Variants in ASIC2 observed in about 807,000 individuals in gnomAD.
The protein encoded by ASIC2 is acid sensing ion channel subunit 2.
In ASIC2, 25 loss-of-function variants were observed where a neutral mutation model predicts 57.3. That is an observed-to-expected ratio of 0.44 (90% CI 0.32 to 0.61). ASIC2 has a LOEUF of 0.61. ASIC2 is among the 20% of genes least tolerant of loss of function. The pLI is 0.06. For missense variants in ASIC2, 641 were observed against 738.1 expected (o/e 0.87, Z 1.52); for synonymous variants, 319 against 307.5 (o/e 1.04, Z -0.39).
chr17:34,022,101 T>C (rs1485535279), intron 1 of ASIC2, among the ~76,000 whole-genome samples: 1 of 152,130 alleles, frequency 6.6e-6, no homozygotes, highest in East Asian at 1.9e-4. Context: ...CCTTCCAAAG[T>C]GGGGGGTTGG....
intron 1 of ASIC2, among the ~76,000 whole-genome samples, chr17:33,235,982 G>A (rs555970528): frequency 1.6e-4 from 24 of 152,150 alleles, no homozygotes; most frequent in East Asian, 9.7e-4. Context: ...AACTACAGGC[G>A]TGCACCATCA....
At chr17:33,509,181 G>T (rs564114118) in intron 1 of ASIC2, among the ~76,000 whole-genome samples, 4 of 152,284 alleles carry the variant, frequency 2.6e-5, no homozygotes, top group African/African-American at 9.6e-5. Context: ...AAGGTAGGAC[G>T]GAGGGAGGGC....
At chr17:33,316,336 A>C (rs1337450611) in intron 1 of ASIC2, among the ~76,000 whole-genome samples, 1 of 152,096 alleles carries the variant, frequency 6.6e-6, no homozygotes, top group East Asian at 1.9e-4. Context: ...AGATCTCTTC[A>C]CCCCAACTCT....
At chr17:33,901,048 G>A (rs1056468205) in intron 1 of ASIC2, among the ~76,000 whole-genome samples, 8 of 152,160 alleles carry the variant, frequency 5.3e-5, no homozygotes, top group African/African-American at 4.8e-5. Context: ...ATCTAGCCAC[G>A]TGTAATATCC....
intron 1 of ASIC2, among the ~76,000 whole-genome samples, chr17:33,470,467 TCTC>T (rs1350276882): frequency 2.7e-5 from 4 of 147,056 alleles, no homozygotes; most frequent in South Asian, 2.1e-4. Flanking sequence ...GCTTAAAAAA[TCTC>T]CTGGAGATCT....
intron 1 of ASIC2, among the ~76,000 whole-genome samples, chr17:33,416,791 C>T (rs1910858301): frequency 6.6e-6 from 1 of 152,188 alleles, no homozygotes; most frequent in African/African-American, 2.4e-5. Flanking sequence ...TAACAAGTCC[C>T]CCTTCTCCTT....
At chr17:33,614,591 C>T (rs9899289) in intron 1 of ASIC2, among the ~76,000 whole-genome samples, 67,263 of 151,664 alleles carry the variant, frequency 0.44, 15,168 homozygotes, top group Middle Eastern at 0.53. Context: ...TTTTTGAAAA[C>T]TTATCTGCTA....
intron 2 of ASIC2, among the ~76,000 whole-genome samples, chr17:33,103,366 G>A (rs746593258): frequency 1.3e-5 from 2 of 152,134 alleles, no homozygotes; most frequent in Non-Finnish European, 2.9e-5. Flanking sequence ...TCATTTTAGA[G>A]GTAACACAGG....
chr17:34,083,247 C>T (rs1243567667), intron 1 of ASIC2, among the ~76,000 whole-genome samples: 1 of 148,700 alleles, frequency 6.7e-6, no homozygotes, highest in Non-Finnish European at 1.5e-5. Context: ...TGTTCAATTC[C>T]CACCTATGAG....
chr17:34,054,908 T>C (rs1908709729), intron 1 of ASIC2, among the ~76,000 whole-genome samples: 1 of 152,158 alleles, frequency 6.6e-6, no homozygotes. Flanking sequence ...CCAAAATGTA[T>C]CTATTGGGAG....
chr17:33,928,541 A>G (rs2141969725), intron 1 of ASIC2, among the ~76,000 whole-genome samples: 1 of 152,312 alleles, frequency 6.6e-6, no homozygotes, highest in East Asian at 1.9e-4. Flanking sequence ...GCCAAACCAT[A>G]GACTGGGCAG....
At chr17:34,030,453 G>A (rs1463565823) in intron 1 of ASIC2, among the ~76,000 whole-genome samples, 1 of 152,242 alleles carries the variant, frequency 6.6e-6, no homozygotes, top group Non-Finnish European at 1.5e-5. Context: ...GGTGATTTCT[G>A]CATTTCCAAC....
intron 1 of ASIC2, among the ~76,000 whole-genome samples, chr17:34,100,184 G>GTTTTTTTTTTTTTTTTT: frequency 7.7e-6 from 1 of 130,600 alleles, no homozygotes; most frequent in Non-Finnish European, 1.6e-5. Flanking sequence ...TCTCTTTCTT[G>GTTTTTTTTTTTTTTTTT]TTTTTTTTTT....
chr17:33,291,763 G>C lies in ASIC2; in HGVS notation c.353C>G (p.Thr118Arg). ...LLYWLSFPSH[T>R]RVHREWSRQL... The stretch of plus-strand genomic sequence containing the variant: ...GCGGCTCCACTCGCGGTGCACCCGC[G>C]TGTGTGACGGGAAGCTGAGCCAGTA... The change falls in exon 1 of 10, where the codon ACG (threonine) becomes AGG (arginine). Residue 118 changes from threonine to arginine, a missense_variant. This residue lies in a region of ASIC2 where 382 missense variants were observed against 398.0 expected (regional missense o/e 0.96). Transcript: ENST00000225823. 6.2e-7 allele frequency: 1 copy of C among 1,613,718 alleles called. No individual in the cohort carries two copies. Among genetic ancestry groups the C allele is most frequent in the Non-Finnish European group, 8.5e-7 (1 of 1,179,900 alleles).
chr17:33,578,480 A>G (rs1415106040), intron 1 of ASIC2, among the ~76,000 whole-genome samples: 1 of 152,202 alleles, frequency 6.6e-6, no homozygotes, highest in Non-Finnish European at 1.5e-5. Flanking sequence ...AACAAAGTAA[A>G]ATGGGTGGGC....
intron 1 of ASIC2, among the ~76,000 whole-genome samples, chr17:33,981,803 T>C (rs548384510): frequency 1.3e-5 from 2 of 152,292 alleles, no homozygotes; most frequent in Non-Finnish European, 2.9e-5. Context: ...ATGACATATG[T>C]ATTATTTGTA....
chr17:33,428,421 AG>A (rs1911290557), intron 1 of ASIC2, among the ~76,000 whole-genome samples: 1 of 152,194 alleles, frequency 6.6e-6, no homozygotes, highest in South Asian at 2.1e-4. Flanking sequence ...GATTAGGTAT[AG>A]GGTATTGCCT....
intron 1 of ASIC2, among the ~76,000 whole-genome samples, chr17:33,141,019 G>GCT (rs1244160707): frequency 1.3e-5 from 2 of 152,218 alleles, no homozygotes; most frequent in Non-Finnish European, 2.9e-5. Context: ...AGCTCTGGGG[G>GCT]CTCTGAGTTG....
intron 1 of ASIC2, among the ~76,000 whole-genome samples, chr17:34,106,133 A>G (rs1447353967): frequency 2.6e-5 from 4 of 152,062 alleles, no homozygotes; most frequent in South Asian, 2.1e-4. Context: ...ATAGAAAGTT[A>G]TTCATTTTGG....
Sources: gnomAD v4.1 joint callset for allele counts (sites outside exome capture counted in the v4.1 genomes callset) on GRCh38, gnomAD v4.1.1 for gene constraint, gnomAD v4.1.1 regional missense constraint, MANE v1.5 for transcripts, NCBI Gene and HGNC (gene_info 2026-07-23, HGNC 2026-07-21) for gene names.